Variants in WWOX observed in about 807,000 individuals in gnomAD.
WWOX encodes the protein WW domain containing oxidoreductase, also known as WW domain-containing oxidoreductase.
Under a neutral mutation model 46.2 loss-of-function variants are expected in WWOX, and 69 were observed. The observed-to-expected ratio is 1.49, with a 90% CI of 1.23 to 1.82. The LOEUF (loss-of-function observed/expected upper bound fraction) is 1.82, where lower values mean the gene tolerates loss of function less well. Ranked by LOEUF, WWOX falls within the 40% of genes most tolerant of loss-of-function variation. WWOX has a pLI of 0.00. For synonymous variants in WWOX, 359 were observed against 202.6 expected (o/e 1.77, Z -6.56); for missense variants, 919 against 542.6 (o/e 1.69, Z -6.89).
chr16:79,094,637 T>A (rs537363400), intron 8 of WWOX, among the ~76,000 whole-genome samples: 1 of 152,268 alleles, frequency 6.6e-6, no homozygotes, highest in Non-Finnish European at 1.5e-5. Context: ...AGGTCTGTTT[T>A]TTCTTTTTTT....
chr16:78,475,982 A>G (rs935867063), intron 8 of WWOX, among the ~76,000 whole-genome samples: 1 of 152,172 alleles, frequency 6.6e-6, no homozygotes, highest in Admixed American at 6.5e-5. Flanking sequence ...GGACCTACCT[A>G]GGTTTTTCTT....
intron 5 of WWOX, among the ~76,000 whole-genome samples, chr16:78,267,891 C>T (rs1232742246): frequency 1.3e-5 from 2 of 152,226 alleles, no homozygotes; most frequent in Non-Finnish European, 2.9e-5. Flanking sequence ...AATCTCAAGT[C>T]ACTGCAGCCT....
intron 8 of WWOX, among the ~76,000 whole-genome samples, chr16:79,068,820 CAATAATAATAATAATAAT>C (rs61494401): frequency 6.7e-4 from 93 of 138,550 alleles, no homozygotes; most frequent in African/African-American, 2.2e-3. Flanking sequence ...CAAAAAAACC[CAATAATAATAATAATAAT>C]AATAATAATA....
chr16:78,534,729 T>A (rs1344077637), intron 8 of WWOX, among the ~76,000 whole-genome samples: 5 of 152,138 alleles, frequency 3.3e-5, no homozygotes, highest in Non-Finnish European at 7.3e-5. Flanking sequence ...ATTTTATTTT[T>A]TTTGAGACAG....
At chr16:78,851,264 T>C (rs905545425) in intron 8 of WWOX, among the ~76,000 whole-genome samples, 1 of 152,140 alleles carries the variant, frequency 6.6e-6, no homozygotes, top group African/African-American at 2.4e-5. Flanking sequence ...AAACCCAGGG[T>C]CATAAACAAT....
At chr16:78,865,039 A>G (rs1273640358) in intron 8 of WWOX, among the ~76,000 whole-genome samples, 1 of 152,110 alleles carries the variant, frequency 6.6e-6, no homozygotes, top group East Asian at 1.9e-4. Flanking sequence ...CTGTGATTAC[A>G]GGCGTGAGCC....
At chr16:78,892,220 G>T (rs183211679) in intron 8 of WWOX, 4 of 152,238 alleles carry the variant, frequency 2.6e-5, no homozygotes, top group Admixed American at 1.3e-4. Context: ...AGAAGAGGAA[G>T]TCAACCATTA....
At chr16:79,184,613 C>T (rs1047669779) in intron 8 of WWOX, among the ~76,000 whole-genome samples, 2 of 152,208 alleles carry the variant, frequency 1.3e-5, no homozygotes, top group African/African-American at 4.8e-5. Flanking sequence ...CCAGCCTGTA[C>T]CTGCCTCTCC....
chr16:78,261,784 C>CTAGATATA (rs1259613713), intron 5 of WWOX, among the ~76,000 whole-genome samples: 1 of 50,898 alleles, frequency 2.0e-5, no homozygotes, highest in African/African-American at 1.2e-4. Context: ...ATCTATCTAT[C>CTAGATATA]TATCTATATA....
intron 8 of WWOX, among the ~76,000 whole-genome samples, chr16:78,495,043 G>GT (rs1016129496): frequency 6.6e-6 from 1 of 151,428 alleles, no homozygotes; most frequent in Non-Finnish European, 1.5e-5. Flanking sequence ...AAGTGAGGAT[G>GT]TTTCATTGAT....
intron 8 of WWOX, among the ~76,000 whole-genome samples, chr16:78,514,938 C>A (rs895916198): frequency 6.6e-6 from 1 of 152,116 alleles, no homozygotes; most frequent in Admixed American, 6.6e-5. Flanking sequence ...TTGAGAATCA[C>A]AGGCGTTTTT....
At chr16:78,910,158 T>TCC (rs3085499) in intron 8 of WWOX, among the ~76,000 whole-genome samples, 20,847 of 152,158 alleles carry the variant, frequency 0.14, 1,664 homozygotes, top group South Asian at 0.24. Flanking sequence ...ATGCTTTTTC[T>TCC]CCCTTTTTGG....
rs548980413 is a variant in WWOX at position 78,818,263 on chromosome 16, G to A, written c.1056+385511G>A. Among the ~76,000 whole-genome samples, 123 of 152,318 alleles carry A rather than the reference G, an allele frequency of 8.1e-4. 1 individual carries two copies. Among genetic ancestry groups the A allele is most frequent in the African/African-American group, 2.8e-3 (116 of 41,566 alleles). On this transcript the variant is annotated intron_variant, in intron 8 of 8. Coordinates refer to ENST00000566780, the MANE Select transcript of WWOX (RefSeq NM_016373.4). ...GAAGGGAGACCTGGGCTGCACATCA[G>A]AGCCCATCTACTTTCCAGTGTGGAC...
intron 8 of WWOX, among the ~76,000 whole-genome samples, chr16:78,906,200 G>T (rs188821657): frequency 1.3e-5 from 2 of 152,164 alleles, no homozygotes; most frequent in African/African-American, 4.8e-5. Flanking sequence ...AGAGCCACTG[G>T]TGTGGTGAGT....
intron 8 of WWOX, among the ~76,000 whole-genome samples, chr16:78,547,494 G>T (rs1409323807): frequency 6.6e-6 from 1 of 152,180 alleles, no homozygotes; most frequent in Non-Finnish European, 1.5e-5. Context: ...CACTGTATTA[G>T]TTACAAGTGA....
At chr16:79,021,321 C>G (rs1000997763) in intron 8 of WWOX, among the ~76,000 whole-genome samples, 2 of 152,156 alleles carry the variant, frequency 1.3e-5, no homozygotes, top group African/African-American at 4.8e-5. Context: ...GATATTGTCT[C>G]TACTCTCAAG....
chr16:78,437,703 T>G (rs939746952), intron 8 of WWOX, among the ~76,000 whole-genome samples: 10 of 152,208 alleles, frequency 6.6e-5, no homozygotes, highest in Admixed American at 3.3e-4. Context: ...TGAGTTATTT[T>G]TAAGTGTCGT....
chr16:78,307,864 T>C (rs777538363), intron 5 of WWOX, among the ~76,000 whole-genome samples: 46 of 152,182 alleles, frequency 3.0e-4, no homozygotes, highest in Admixed American at 7.9e-4. Context: ...GTCTAGCATG[T>C]TAAAGACTGT....
chr16:79,127,668 C>T (rs752324624), intron 8 of WWOX, among the ~76,000 whole-genome samples: 23 of 152,064 alleles, frequency 1.5e-4, no homozygotes, highest in Non-Finnish European at 2.2e-4. Context: ...GCACTCCGGT[C>T]GTTTTCATAG....
Sources: gnomAD v4.1 joint callset for allele counts (sites outside exome capture counted in the v4.1 genomes callset) on GRCh38, gnomAD v4.1.1 for gene constraint, MANE v1.5 for transcripts, NCBI Gene and HGNC (gene_info 2026-07-23, HGNC 2026-07-21) for gene names.